The following CDH13 variants were observed in gnomAD, a reference collection of about 807,000 sequenced individuals.
The protein encoded by CDH13 is cadherin 13, also known as cadherin-13.
Under a neutral mutation model 63.8 loss-of-function variants are expected in CDH13, and 24 were observed. The observed-to-expected ratio is 0.38, with a 90% CI of 0.27 to 0.53. The LOEUF (loss-of-function observed/expected upper bound fraction) is 0.53, where lower values mean the gene tolerates loss of function less well. Ranked by LOEUF, CDH13 falls within the 20% of genes least tolerant of loss-of-function variation. CDH13 has a pLI of 0.85. For synonymous variants in CDH13, 503 were observed against 355.3 expected, an observed-to-expected ratio of 1.42 and a Z score of -4.67; for missense variants, 1,049 against 903.1, an observed-to-expected ratio of 1.16 and a Z score of -2.07.
At chr16:83,596,476 C>A (rs564130182) in intron 7 of CDH13, among the ~76,000 whole-genome samples, 8 of 152,292 alleles carry the variant, frequency 5.3e-5, no homozygotes, top group Admixed American at 3.3e-4. Context: ...CAAGTGGCCA[C>A]TGGGATCTCT....
chr16:83,456,296 G>A (rs2073023157), intron 6 of CDH13, among the ~76,000 whole-genome samples: 1 of 152,222 alleles, frequency 6.6e-6, no homozygotes, highest in Non-Finnish European at 1.5e-5. Context: ...ATGGACCAGG[G>A]CCAACGACCT....
chr16:83,535,962 A>C (rs1479216656), intron 7 of CDH13, among the ~76,000 whole-genome samples: 2 of 151,578 alleles, frequency 1.3e-5, no homozygotes, highest in Non-Finnish European at 2.9e-5. Flanking sequence ...GAAGAAAAGA[A>C]AAGAAAAGAA....
chr16:82,851,067 T>G (rs1302441254), intron 1 of CDH13, among the ~76,000 whole-genome samples: 1 of 152,134 alleles, frequency 6.6e-6, no homozygotes, highest in Non-Finnish European at 1.5e-5. Flanking sequence ...CTTCCCTGTT[T>G]ACAGTTTGAG....
intron 4 of CDH13, among the ~76,000 whole-genome samples, chr16:83,198,860 C>T (rs1167704033): frequency 6.6e-6 from 1 of 152,032 alleles, no homozygotes; most frequent in South Asian, 2.1e-4. Context: ...CTCTGTGGTA[C>T]TAAAATTAAA....
chr16:82,877,394 G>T (rs1237755664), intron 2 of CDH13, among the ~76,000 whole-genome samples: 1 of 152,184 alleles, frequency 6.6e-6, no homozygotes, highest in African/African-American at 2.4e-5. Flanking sequence ...GTGGACAAAG[G>T]TTTCTGTGAA....
chr16:82,682,069 A>T (rs1914609121), intron 1 of CDH13, among the ~76,000 whole-genome samples: 1 of 152,248 alleles, frequency 6.6e-6, no homozygotes, highest in Non-Finnish European at 1.5e-5. Context: ...GAGTAATAAT[A>T]GATAACATGT....
chr16:83,208,203 G>C (rs1460270503), intron 4 of CDH13, among the ~76,000 whole-genome samples: 5 of 152,138 alleles, frequency 3.3e-5, no homozygotes, highest in African/African-American at 1.2e-4. Context: ...CTTCACCAGG[G>C]TATGGGGACT....
intron 7 of CDH13, among the ~76,000 whole-genome samples, chr16:83,513,634 C>T (rs2074627173): frequency 2.6e-5 from 4 of 152,086 alleles, no homozygotes; most frequent in African/African-American, 9.7e-5. Flanking sequence ...GGGATAGCCC[C>T]TTATAAAACC....
intron 2 of CDH13, among the ~76,000 whole-genome samples, chr16:82,895,575 T>C (rs1184738222): frequency 2.6e-5 from 4 of 152,192 alleles, no homozygotes; most frequent in Non-Finnish European, 5.9e-5. Context: ...CTTAATATTA[T>C]GCGCTGTATG....
At chr16:83,558,180 C>G (rs1336223210) in intron 7 of CDH13, among the ~76,000 whole-genome samples, 1 of 152,136 alleles carries the variant, frequency 6.6e-6, no homozygotes, top group East Asian at 1.9e-4. Flanking sequence ...AGTTTGAGAC[C>G]ATCACATTTG....
chr16:82,901,096 A>G (rs950106513), intron 2 of CDH13, among the ~76,000 whole-genome samples: 1 of 136,824 alleles, frequency 7.3e-6, no homozygotes, highest in Non-Finnish European at 1.6e-5. Context: ...TTTTGCCTTT[A>G]TTACACTTCC....
intron 6 of CDH13, among the ~76,000 whole-genome samples, chr16:83,442,020 G>C (rs890075624): frequency 6.6e-6 from 1 of 152,206 alleles, no homozygotes; most frequent in Admixed American, 6.5e-5. Context: ...AGAGCTGGGA[G>C]CGAGATGACA....
intron 1 of CDH13, among the ~76,000 whole-genome samples, chr16:82,689,375 A>C (rs766007720): frequency 1.2e-4 from 18 of 152,186 alleles, no homozygotes; most frequent in Non-Finnish European, 2.2e-4. Flanking sequence ...CAGAAAGCCA[A>C]TGTTATCATT....
chr16:83,710,739 T>C (rs1046675227), intron 10 of CDH13, among the ~76,000 whole-genome samples: 3 of 152,182 alleles, frequency 2.0e-5, no homozygotes, highest in South Asian at 2.1e-4. Flanking sequence ...TTAAAGTTCA[T>C]GTGTGAAGCG....
Position 83,650,284 on chromosome 16 carries a change from A to G in CDH13, c.1102-20506A>G, listed in dbSNP as rs188207892. 2.0e-3 allele frequency among the ~76,000 whole-genome samples: 306 copies of G among 152,340 alleles called. 1 individual carries two copies. Among genetic ancestry groups the G allele is most frequent in the African/African-American group, 7.1e-3 (297 of 41,586 alleles). On this transcript the variant is annotated intron_variant, in intron 8 of 13. Coordinates refer to ENST00000567109, the MANE Select transcript of CDH13 (RefSeq NM_001257.5). ...GCTGCTAATTCAAAAATTGTAGGGTAATGAAAACTACATCAATAATTTTCA... is the reference window on the plus strand; with the variant it reads ...GCTGCTAATTCAAAAATTGTAGGGTGATGAAAACTACATCAATAATTTTCA...
At chr16:82,738,146 G>T (rs1261811874) in intron 1 of CDH13, among the ~76,000 whole-genome samples, 1 of 152,180 alleles carries the variant, frequency 6.6e-6, no homozygotes, top group African/African-American at 2.4e-5. Flanking sequence ...TCTGAGATGG[G>T]CTAAGAGTTA....
chr16:83,234,463 G>C (rs573525204), intron 5 of CDH13, among the ~76,000 whole-genome samples: 1 of 152,150 alleles, frequency 6.6e-6, no homozygotes, highest in Admixed American at 6.5e-5. Flanking sequence ...TGATAACGCA[G>C]GGTCAGTAGG....
chr16:83,128,743 T>G (rs954791938), intron 4 of CDH13, among the ~76,000 whole-genome samples: 3 of 152,250 alleles, frequency 2.0e-5, no homozygotes, highest in African/African-American at 7.2e-5. Context: ...TGCAGCTAAT[T>G]GGGAACATTC....
intron 1 of CDH13, among the ~76,000 whole-genome samples, chr16:82,799,651 C>CA (rs1231380327): frequency 6.6e-6 from 1 of 152,200 alleles, no homozygotes; most frequent in Non-Finnish European, 1.5e-5. Context: ...TGGTTCAGCA[C>CA]ATTTTCTCAT....
Sources: allele counts gnomAD v4.1 joint callset (sites outside exome capture counted in the v4.1 genomes callset), GRCh38; gene constraint gnomAD v4.1.1; transcripts MANE v1.5; gene names NCBI Gene and HGNC (gene_info 2026-07-23, HGNC 2026-07-21).